Variants in STARD9 observed in about 807,000 individuals in gnomAD.
The protein encoded by STARD9 is stAR-related lipid transfer protein 9.
In STARD9, 346 loss-of-function variants were observed where a neutral mutation model predicts 399.8. The observed-to-expected ratio is 0.87, with a 90% CI of 0.79 to 0.95. The LOEUF (loss-of-function observed/expected upper bound fraction) is 0.95, where lower values mean the gene tolerates loss of function less well. STARD9 is among the 40% of genes least tolerant of loss of function. STARD9 has a pLI of 0.00. For synonymous variants in STARD9, 2,203 were observed against 2,143.5 expected (o/e 1.03, Z -0.77); for missense variants, 5,832 against 5,667.5 (o/e 1.03, Z -0.93).
chr15:42,670,939 T>C (rs1387022741), intron 16 of STARD9: 1 of 152,050 alleles, frequency 6.6e-6, no homozygotes, highest in East Asian at 1.9e-4. Context: ...AGAGACCAGA[T>C]TGATTAAAAT....
intron 9 of STARD9, among the ~76,000 whole-genome samples, chr15:42,653,797 G>A (rs1269789591): frequency 6.6e-6 from 1 of 152,096 alleles, no homozygotes; most frequent in Non-Finnish European, 1.5e-5. Flanking sequence ...AATGATAAAT[G>A]TGTGAGTAAA....
chr15:42,578,196 C>T (rs887809943), intron 1 of STARD9, among the ~76,000 whole-genome samples: 6 of 151,784 alleles, frequency 4.0e-5, no homozygotes, highest in Admixed American at 3.9e-4. Flanking sequence ...CTGAAACCTC[C>T]GCCTCCTGGG....
chr15:42,710,415 A>G (rs1223379621), intron 26 of STARD9, among the ~76,000 whole-genome samples: 1 of 151,952 alleles, frequency 6.6e-6, no homozygotes, highest in Non-Finnish European at 1.5e-5. Context: ...TGGCTTTAGT[A>G]TATTCATAGA....
Position 42,575,729 on chromosome 15 carries a change from AGGTCGCCGTGCG to A in STARD9, c.19_30del (p.Ala7_Val10del). ...TGTGGCAGACGGATGGCGAACGTGC[AGGTCGCCGTGCG>A]GGTCCGGCCGCTCAGCAAGAGGTGA... On this transcript the variant is annotated inframe_deletion, in exon 1 of 33. Transcript: ENST00000290607. 2 of 1,536,614 alleles carry A rather than the reference AGGTCGCCGTGCG, an allele frequency of 1.3e-6. No homozygotes were observed. The highest frequency in any genetic ancestry group is 1.7e-6 in the Non-Finnish European group (2 of 1,146,792).
At chr15:42,718,595 TCCTCTAGGGGAAGGAGGG>T (rs2061394950) in intron 31 of STARD9, 81 bp downstream of exon 31, 1 of 1,457,606 alleles carries the variant, frequency 6.9e-7, no homozygotes, top group Non-Finnish European at 9.3e-7. Flanking sequence ...GGGCCTCAGG[TCCTCTAGGGGAAGGAGGG>T]CAAATTGGGG....
intron 20 of STARD9, among the ~76,000 whole-genome samples, chr15:42,678,638 C>T (rs1480983799): frequency 4.6e-5 from 7 of 152,156 alleles, no homozygotes; most frequent in Admixed American, 3.9e-4. Context: ...AGCTGCCAGA[C>T]CCCGAGGCTG....
chr15:42,686,971 T>G lies in STARD9; in HGVS notation c.5393T>G (p.Leu1798Trp), dbSNP rs1335466139. The G allele has an allele frequency of 1.5e-5, 23 of 1,536,632 alleles. No individual in the cohort carries two copies. The highest frequency in any genetic ancestry group is 2.7e-5 in the African/African-American group (2 of 73,152). ...CAAGGTGCTTATTTGAAGAATAATT[T>G]GCCAGTGCTGTTACAAAACCAGAAT... ...ALQGAYLKNN[L>W]PVLLQNQNSK... Residue 1798 changes from leucine (L) to tryptophan (W), a missense_variant, in exon 23 of 33, where the codon TTG becomes TGG. By Grantham distance (61) the Leu-to-Trp change is moderately conservative. Transcript: ENST00000290607.
In STARD9 at chr15:42,686,957, T is replaced by C. The variant is rs1467194811; in HGVS notation, c.5379T>C (p.Tyr1793=). 2.0e-6 allele frequency: 3 copies of C among 1,536,562 alleles called. No homozygotes were observed. Among genetic ancestry groups the C allele is most frequent in the East Asian group, 4.9e-5 (2 of 40,914 alleles). ...GHNHQALQGA[Y]LKNNLPVLLQ... is the part of the protein sequence containing the mutation. ...ACCACCAAGCTCTCCAAGGTGCTTA[T>C]TTGAAGAATAATTTGCCAGTGCTGT... The change falls in exon 23 of 33, where the codon TAT becomes TAC. Residue 1793 remains tyrosine, a synonymous_variant. Coordinates refer to ENST00000290607, the MANE Select transcript of STARD9 (RefSeq NM_020759.3).
At position 42,691,478 on chromosome 15, in the gene STARD9, C is replaced by G. The variant is rs897745587; in HGVS notation, c.9900C>G (p.Pro3300=). 1 of 1,537,114 alleles carries G rather than the reference C, an allele frequency of 6.5e-7. No individual in the cohort carries two copies. The highest frequency in any genetic ancestry group is 8.7e-7 in the Non-Finnish European group (1 of 1,146,914). ...ACACTGGCAGAGAGCAGCCAGCACC[C>G]AACCACAGGGGCTCACTTCCTGTGA... ...HLYTGREQPA[P]NHRGSLPVTT... The change falls in exon 23 of 33, where the codon CCC becomes CCG. Residue 3300 remains proline (P), a synonymous_variant. Coordinates refer to ENST00000290607, the MANE Select transcript of STARD9 (RefSeq NM_020759.3).
rs2060625800 is a variant in STARD9, at chr15:42,688,980, G to A, written c.7402G>A (p.Val2468Met). 1.6e-5 allele frequency: 25 copies of A among 1,537,396 alleles called. No homozygotes were observed. Among genetic ancestry groups the A allele is most frequent in the Non-Finnish European group, 2.1e-5 (24 of 1,146,942 alleles). ...TSEDFASEAE[V>M]AVQKEIRVSS... ...TGAAGATTTTGCTTCTGAAGCCGAG[G>A]TGGCTGTACAAAAAGAAATAAGAGT... Residue 2468 changes from valine (V) to methionine (M), a missense_variant, in exon 23 of 33, where the codon GTG becomes ATG. Physicochemically the swap from Val to Met is conservative, Grantham distance 21. Around this residue, in one of 2 missense-constraint regions of STARD9, gnomAD observed 5,828 missense variants for 5,651.1 expected, o/e 1.03. Coordinates refer to ENST00000290607, the MANE Select transcript of STARD9 (RefSeq NM_020759.3).
Position 42,685,141 on chromosome 15 carries a change from C to A in STARD9, c.3563C>A (p.Ala1188Glu). The A allele has an allele frequency of 6.5e-7, 1 of 1,537,216 alleles. No individual in the cohort carries two copies. Among genetic ancestry groups the A allele is most frequent in the Non-Finnish European group, 8.7e-7 (1 of 1,146,928 alleles). The change falls in exon 23 of 33, where the codon GCA becomes GAA. Residue 1188 changes from alanine to glutamate, a missense_variant. Coordinates refer to ENST00000290607, the MANE Select transcript of STARD9 (RefSeq NM_020759.3). Reference protein sequence around the residue: ...RTRASVRGFTAASDSDLLAQT... With the variant: ...RTRASVRGFTEASDSDLLAQT... The stretch of plus-strand genomic sequence containing the variant: ...AGAGCTTCTGTGAGGGGCTTCACTG[C>A]AGCCTCAGACAGTGACCTACTTGCT...
intron 3 of STARD9, among the ~76,000 whole-genome samples, chr15:42,628,564 T>C (rs1212883963): frequency 6.6e-6 from 1 of 152,226 alleles, no homozygotes; most frequent in African/African-American, 2.4e-5. Context: ...TAGTTTGAGG[T>C]CTTAGATTTA....
chr15:42,646,430 G>A (rs1037852787), intron 7 of STARD9, among the ~76,000 whole-genome samples: 3 of 152,316 alleles, frequency 2.0e-5, no homozygotes, highest in East Asian at 1.9e-4. Flanking sequence ...CAGCTTCTCC[G>A]TCAGCACTTG....
rs780204949 is a variant in STARD9 at position 42,682,209 on chromosome 15, A to G, written c.2171A>G (p.Asp724Gly). 2.7e-5 allele frequency: 41 copies of G among 1,537,134 alleles called. No individual in the cohort carries two copies. Among genetic ancestry groups the G allele is most frequent in the Non-Finnish European group, 3.2e-5 (37 of 1,146,908 alleles). ...EKELEASVAL[D>G]AWLQTDPEIQ... The stretch of plus-strand genomic sequence containing the variant: ...GAACTTGAGGCATCTGTGGCACTTG[A>G]TGCTTGGCTTCAGACAGATCCTGAG... The change falls in exon 22 of 33, where the codon GAT (aspartate) becomes GGT (glycine). Residue 724 changes from aspartate (D) to glycine (G), a missense_variant. Transcript: ENST00000290607.
intron 3 of STARD9, among the ~76,000 whole-genome samples, chr15:42,612,664 C>G (rs747469722): frequency 7.2e-5 from 11 of 152,154 alleles, no homozygotes; most frequent in Non-Finnish European, 1.2e-4. Flanking sequence ...TGGGAACATT[C>G]TTTAGCAAAA....
Position 42,694,236 on chromosome 15 carries a change from G to A in STARD9, c.12658G>A (p.Gly4220Ser). The A allele has an allele frequency of 6.5e-7, 1 of 1,534,264 alleles. No homozygotes were observed. ...ACTCACAGAAGCGAAACTGCACCAT[G>A]GCTTTGGGGAGGCCGATGCCCTGCT... ...VELTEAKLHH[G>S]FGEADALLQV... The change falls in exon 23 of 33, where the codon GGC (glycine) becomes AGC (serine). Residue 4220 changes from glycine (G) to serine (S), a missense_variant. This residue lies in a region of STARD9 where 5,828 missense variants were observed against 5,651.1 expected (regional missense o/e 1.03). Transcript: ENST00000290607.
chr15:42,595,767 A>G (rs2058490328), intron 3 of STARD9, among the ~76,000 whole-genome samples: 1 of 152,194 alleles, frequency 6.6e-6, no homozygotes, highest in Non-Finnish European at 1.5e-5. Flanking sequence ...AGAGAAGTTT[A>G]TAAGAAAAAG....
chr15:42,599,388 T>C (rs2058578104), intron 3 of STARD9, among the ~76,000 whole-genome samples: 1 of 152,248 alleles, frequency 6.6e-6, no homozygotes. Flanking sequence ...CTAGTTATTT[T>C]GGTTATTGCC....
intron 1 of STARD9, among the ~76,000 whole-genome samples, chr15:42,577,785 T>C (rs1262233635): frequency 2.6e-5 from 4 of 152,208 alleles, no homozygotes; most frequent in South Asian, 2.1e-4. Flanking sequence ...GGGGGTGTTA[T>C]ACTGTCTTCA....
Sources: allele counts gnomAD v4.1 joint callset (sites outside exome capture counted in the v4.1 genomes callset), GRCh38; gene constraint gnomAD v4.1.1; regional missense constraint gnomAD v4.1.1; transcripts MANE v1.5; gene names NCBI Gene and HGNC (gene_info 2026-07-23, HGNC 2026-07-21).